PTPRT: variants seen among roughly 807,000 people sequenced by gnomAD.
PTPRT encodes protein tyrosine phosphatase receptor type T, also known as receptor-type tyrosine-protein phosphatase T.
PTPRT carries 56 observed loss-of-function variants against 176.8 expected under a neutral mutation model. The ratio of observed to expected loss-of-function variants is 0.32; its 90% CI spans 0.26 to 0.40. The LOEUF is 0.40. Among genes scored for constraint, PTPRT ranks in the 10% least tolerant of loss-of-function variants. The pLI is 1.00. For missense variants in PTPRT, 1,540 were observed against 1,908.2 expected, an observed-to-expected ratio of 0.81 and a Z score of 3.60; for synonymous variants, 783 against 739.0, an observed-to-expected ratio of 1.06 and a Z score of -0.96.
intron 1 of PTPRT, among the ~76,000 whole-genome samples, chr20:43,066,999 T>C (rs2011118157): frequency 6.6e-6 from 1 of 152,238 alleles, no homozygotes; most frequent in Non-Finnish European, 1.5e-5. Flanking sequence ...TGCTGAGCCC[T>C]GTTCTGCAGG....
chr20:43,074,118 T>C (rs1415137111), intron 1 of PTPRT, among the ~76,000 whole-genome samples: 1 of 151,956 alleles, frequency 6.6e-6, no homozygotes, highest in Non-Finnish European at 1.5e-5. Flanking sequence ...ATGGGCCGAG[T>C]GGCAATTAGG....
chr20:42,549,583 C>T (rs748383406), intron 7 of PTPRT, among the ~76,000 whole-genome samples: 1 of 152,136 alleles, frequency 6.6e-6, no homozygotes, highest in Non-Finnish European at 1.5e-5. Flanking sequence ...TAGAGATCAA[C>T]AGAAAAGTCA....
chr20:42,869,197 C>A (rs2078802230), intron 2 of PTPRT, among the ~76,000 whole-genome samples: 1 of 152,090 alleles, frequency 6.6e-6, no homozygotes, highest in Admixed American at 6.5e-5. Flanking sequence ...CTGCAGAGAA[C>A]CCCTATTAGG....
At position 42,432,801 on chromosome 20, in the gene PTPRT, C is replaced by G. The variant is rs548733856; in HGVS notation, c.1560+15419G>C. Among the ~76,000 whole-genome samples the G allele has an allele frequency of 3.3e-5, 5 of 152,188 alleles. No individual in the cohort carries two copies. The South Asian group carries it at 1.0e-3, about 32-fold the overall frequency. On this transcript the variant is annotated intron_variant, in intron 9 of 30. Transcript: ENST00000373187. ...TCCACCTATAACATATAAGCCCTCA[C>G]TTCAGGATATCTCGTCATTTGGGGC...
chr20:42,796,178 C>A (rs116571146), intron 2 of PTPRT, among the ~76,000 whole-genome samples: 1 of 152,160 alleles, frequency 6.6e-6, no homozygotes, highest in Non-Finnish European at 1.5e-5. Context: ...TAGGAATGCA[C>A]TTTCCTAACC....
chr20:42,675,794 T>G (rs1321958075), intron 7 of PTPRT, among the ~76,000 whole-genome samples: 1 of 152,182 alleles, frequency 6.6e-6, no homozygotes, highest in Non-Finnish European at 1.5e-5. Context: ...ATACACCACA[T>G]TTTATTTTCT....
intron 1 of PTPRT, among the ~76,000 whole-genome samples, chr20:43,010,150 T>C (rs2146148780): frequency 6.6e-6 from 1 of 152,240 alleles, no homozygotes; most frequent in South Asian, 2.1e-4. Context: ...TTTCACCCTG[T>C]CTCCATGTCG....
chr20:42,176,367 A>C (rs2143008), intron 16 of PTPRT, among the ~76,000 whole-genome samples: 1 of 151,952 alleles, frequency 6.6e-6, no homozygotes, highest in African/African-American at 2.4e-5. Context: ...CTCAAAATGC[A>C]TATCTTCTCC....
chr20:42,716,487 T>A (rs959307284), intron 6 of PTPRT, among the ~76,000 whole-genome samples: 4 of 152,244 alleles, frequency 2.6e-5, no homozygotes, highest in Non-Finnish European at 4.4e-5. Flanking sequence ...TGATTTTCAT[T>A]TCTCTGATGA....
chr20:42,599,949 A>T (rs577849201), intron 7 of PTPRT, among the ~76,000 whole-genome samples: 7 of 152,128 alleles, frequency 4.6e-5, no homozygotes, highest in African/African-American at 1.7e-4. Context: ...AGCCACATCC[A>T]GTTTCCTAAG....
intron 1 of PTPRT, among the ~76,000 whole-genome samples, chr20:42,903,474 C>A (rs2079432835): frequency 6.6e-6 from 1 of 152,160 alleles, no homozygotes; most frequent in Non-Finnish European, 1.5e-5. Context: ...ACTAGGGTTC[C>A]ATACAGTCAA....
intron 9 of PTPRT, among the ~76,000 whole-genome samples, chr20:42,385,183 C>T (rs1419510130): frequency 6.6e-6 from 1 of 152,042 alleles, no homozygotes; most frequent in African/African-American, 2.4e-5. Context: ...GAGCTTTCCC[C>T]CTATTTCTTC....
chr20:42,700,904 G>A (rs1330625102), intron 6 of PTPRT, among the ~76,000 whole-genome samples: 2 of 152,198 alleles, frequency 1.3e-5, no homozygotes, highest in Non-Finnish European at 2.9e-5. Context: ...AGACAGGTGA[G>A]GGAGTAAGAT....
intron 7 of PTPRT, among the ~76,000 whole-genome samples, chr20:42,571,959 T>C (rs1000922370): frequency 4.6e-5 from 7 of 152,214 alleles, no homozygotes; most frequent in Admixed American, 4.6e-4. Context: ...GGTGCTCTCC[T>C]GTATTCGTTT....
chr20:42,528,165 T>C (rs1272860716), intron 7 of PTPRT, among the ~76,000 whole-genome samples: 1 of 152,188 alleles, frequency 6.6e-6, no homozygotes, highest in Non-Finnish European at 1.5e-5. Flanking sequence ...TTTGCATATT[T>C]AGTTCCTTCT....
chr20:42,851,466 T>A (rs1600473616), intron 2 of PTPRT, among the ~76,000 whole-genome samples: 2 of 152,172 alleles, frequency 1.3e-5, no homozygotes, highest in South Asian at 4.1e-4. Context: ...ATTATAGGCA[T>A]CTATAATTAT....
chr20:42,097,626 G>A (rs1376715731), intron 27 of PTPRT, among the ~76,000 whole-genome samples: 1 of 152,208 alleles, frequency 6.6e-6, no homozygotes, highest in Non-Finnish European at 1.5e-5. Flanking sequence ...CTTTTGGAGG[G>A]CTGAAACTAT....
At chr20:42,826,244 C>A (rs1349381832) in intron 2 of PTPRT, among the ~76,000 whole-genome samples, 1 of 152,152 alleles carries the variant, frequency 6.6e-6, no homozygotes, top group African/African-American at 2.4e-5. Flanking sequence ...ACACATACTT[C>A]CCATGCCTTC....
At chr20:42,594,920 G>C (rs907165278) in intron 7 of PTPRT, among the ~76,000 whole-genome samples, 1 of 152,134 alleles carries the variant, frequency 6.6e-6, no homozygotes, top group African/African-American at 2.4e-5. Context: ...CTGACAAACA[G>C]AAATGAATGT....
Sources: gnomAD v4.1 joint callset for allele counts (sites outside exome capture counted in the v4.1 genomes callset) on GRCh38, gnomAD v4.1.1 for gene constraint, MANE v1.5 for transcripts, NCBI Gene and HGNC (gene_info 2026-07-23, HGNC 2026-07-21) for gene names.